GRM8: variants seen among roughly 807,000 people sequenced by gnomAD.
GRM8 encodes glutamate metabotropic receptor 8.
GRM8 carries 47 observed loss-of-function variants against 87.2 expected under a neutral mutation model. The ratio of observed to expected loss-of-function variants is 0.54; its 90% CI spans 0.43 to 0.69. The LOEUF (loss-of-function observed/expected upper bound fraction) is 0.69, where lower values mean the gene tolerates loss of function less well. GRM8 is among the 30% of genes least tolerant of loss of function. The probability of loss-of-function intolerance (pLI) is 0.00; values close to 1 mark genes in which losing one functional copy is unlikely to be tolerated. For synonymous variants in GRM8, 396 were observed against 404.5 expected (o/e 0.98, Z 0.25); for missense variants, 1,019 against 1,139.2 (o/e 0.89, Z 1.52).
At chr7:127,130,355 A>C (rs1827618212) in intron 2 of GRM8, among the ~76,000 whole-genome samples, 1 of 152,176 alleles carries the variant, frequency 6.6e-6, no homozygotes, top group African/African-American at 2.4e-5. Context: ...AACAGTTTGG[A>C]GGGCTCAGGA....
chr7:126,841,007 T>C (rs770767240), intron 6 of GRM8, among the ~76,000 whole-genome samples: 1 of 152,248 alleles, frequency 6.6e-6, no homozygotes, highest in Non-Finnish European at 1.5e-5. Flanking sequence ...TTTAATGTAC[T>C]AGAATAATGC....
chr7:127,236,147 T>A (rs1031944512), intron 2 of GRM8, among the ~76,000 whole-genome samples: 42 of 152,142 alleles, frequency 2.8e-4, no homozygotes, highest in Admixed American at 2.3e-3. Context: ...TTTTTTTTGG[T>A]GTATGGTGAA....
chr7:126,870,954 C>T (rs555895640), intron 6 of GRM8, among the ~76,000 whole-genome samples: 1 of 152,132 alleles, frequency 6.6e-6, no homozygotes, highest in African/African-American at 2.4e-5. Context: ...TCAAGTTTCC[C>T]CCCATTTTTT....
Position 126,535,533 on chromosome 7 carries a change from G to A in GRM8, c.1495-1646C>T, listed in dbSNP as rs139980581. On this transcript the variant is annotated intron_variant, in intron 8 of 10. Transcript: ENST00000339582. The stretch of plus-strand genomic sequence containing the variant: ...GCAGCAGGCAGAGAGCAGCAGCTCA[G>A]GGCAGTTCTGCAATTGTGTTTATAC... Among the ~76,000 whole-genome samples the A allele has an allele frequency of 8.1e-3, 1,232 of 152,322 alleles. 8 individuals carry two copies. Among genetic ancestry groups the A allele is most frequent in the Non-Finnish European group, 0.012 (833 of 68,030 alleles).
chr7:126,571,822 C>T (rs906104768), intron 8 of GRM8, among the ~76,000 whole-genome samples: 5 of 151,056 alleles, frequency 3.3e-5, no homozygotes, highest in African/African-American at 1.2e-4. Flanking sequence ...CTCACTGCAA[C>T]CTCTGCCTCC....
intron 3 of GRM8, 91 bp from the exon 4 acceptor site, chr7:126,904,774 T>G: frequency 9.1e-7 from 1 of 1,095,826 alleles, no homozygotes; most frequent in Admixed American, 2.0e-5. Context: ...CACATACTTC[T>G]GTATGAATAT....
At chr7:126,546,142 A>G (rs1817131967) in intron 8 of GRM8, among the ~76,000 whole-genome samples, 1 of 152,234 alleles carries the variant, frequency 6.6e-6, no homozygotes, top group Non-Finnish European at 1.5e-5. Context: ...TAATAATAAT[A>G]ACATTTATTG....
chr7:126,651,556 G>A (rs190479258), intron 7 of GRM8, among the ~76,000 whole-genome samples: 35 of 152,228 alleles, frequency 2.3e-4, no homozygotes, highest in Non-Finnish European at 3.7e-4. Flanking sequence ...CTGGTACCGC[G>A]ACATTATGTT....
intron 9 of GRM8, among the ~76,000 whole-genome samples, chr7:126,468,768 T>C (rs1804809195): frequency 6.6e-6 from 1 of 152,140 alleles, no homozygotes; most frequent in South Asian, 2.1e-4. Flanking sequence ...AGTTAGCTTA[T>C]TGTCAATTAG....
At chr7:127,006,040 C>T (rs1367388767) in intron 3 of GRM8, among the ~76,000 whole-genome samples, 2 of 151,910 alleles carry the variant, frequency 1.3e-5, no homozygotes, top group South Asian at 2.1e-4. Flanking sequence ...TCCCTCCTTC[C>T]ACCGTCCTTC....
intron 2 of GRM8, among the ~76,000 whole-genome samples, chr7:127,150,813 C>T (rs915493635): frequency 6.6e-6 from 1 of 152,040 alleles, no homozygotes; most frequent in Non-Finnish European, 1.5e-5. Context: ...TCTCAGCTGA[C>T]CCTTGGGTTG....
chr7:127,113,967 C>G (rs1459551981), intron 2 of GRM8, among the ~76,000 whole-genome samples: 3 of 152,032 alleles, frequency 2.0e-5, no homozygotes, highest in Non-Finnish European at 4.4e-5. Context: ...CATGCTCCTC[C>G]CACCTTCATG....
chr7:126,530,281 T>C (rs1335387134), intron 9 of GRM8, among the ~76,000 whole-genome samples: 11 of 152,274 alleles, frequency 7.2e-5, no homozygotes, highest in Admixed American at 7.2e-4. Context: ...AAATGCATAC[T>C]GGAAGACATT....
At chr7:127,113,043 T>G (rs1393139130) in intron 2 of GRM8, among the ~76,000 whole-genome samples, 1 of 152,160 alleles carries the variant, frequency 6.6e-6, no homozygotes, top group African/African-American at 2.4e-5. Context: ...TCACTGAGCC[T>G]TCCTGTACAT....
intron 8 of GRM8, among the ~76,000 whole-genome samples, chr7:126,571,944 G>T (rs1016397789): frequency 4.0e-5 from 6 of 151,892 alleles, no homozygotes; most frequent in Non-Finnish European, 8.8e-5. Context: ...GTTTCACCAT[G>T]TTGGGCCAGG....
intron 7 of GRM8, among the ~76,000 whole-genome samples, chr7:126,683,077 T>C (rs1193646758): frequency 1.3e-5 from 2 of 151,652 alleles, no homozygotes; most frequent in Non-Finnish European, 1.5e-5. Flanking sequence ...CAAAAAAAAG[T>C]GTGTGACCCC....
chr7:126,513,115 C>T (rs936433981), intron 9 of GRM8, among the ~76,000 whole-genome samples: 1 of 152,018 alleles, frequency 6.6e-6, no homozygotes. Context: ...TCTCTGTAGG[C>T]TTTTAAAAAT....
intron 7 of GRM8, among the ~76,000 whole-genome samples, chr7:126,705,772 C>T (rs1037457839): frequency 2.0e-5 from 3 of 152,074 alleles, no homozygotes; most frequent in African/African-American, 7.2e-5. Flanking sequence ...AATATTTAAA[C>T]ATCTAATCTT....
chr7:126,732,031 G>C (rs1813655588), intron 7 of GRM8, among the ~76,000 whole-genome samples: 1 of 151,956 alleles, frequency 6.6e-6, no homozygotes, highest in Admixed American at 6.6e-5. Context: ...AATATGGAAA[G>C]CTACCATATT....
Sources: allele counts gnomAD v4.1 joint callset (sites outside exome capture counted in the v4.1 genomes callset), GRCh38; gene constraint gnomAD v4.1.1; transcripts MANE v1.5; gene names NCBI Gene and HGNC (gene_info 2026-07-23, HGNC 2026-07-21).